Variants in LAMA2 observed in about 807,000 individuals in gnomAD.
LAMA2 encodes laminin subunit alpha-2.
LAMA2 carries 269 observed loss-of-function variants against 364.8 expected under a neutral mutation model. That is an observed-to-expected ratio of 0.74 (90% CI 0.67 to 0.82). LAMA2 has a LOEUF of 0.82. Ranked by LOEUF, LAMA2 falls within the 40% of genes least tolerant of loss-of-function variation. The probability of loss-of-function intolerance (pLI) is 0.00; values close to 1 mark genes in which losing one functional copy is unlikely to be tolerated. For missense variants in LAMA2, 3,807 were observed against 3,873.2 expected (o/e 0.98, Z 0.45); for synonymous variants, 1,379 against 1,370.6 (o/e 1.01, Z -0.14).
chr6:129,396,989 C>CAAAAAAAAAAAAAAA (rs60077388), intron 37 of LAMA2, among the ~76,000 whole-genome samples: 1 of 125,966 alleles, frequency 7.9e-6, no homozygotes. Context: ...GACAGTGTCT[C>CAAAAAAAAAAAAAAA]AAAAAAAAAA....
chr6:129,260,274 A>G (rs554496456), intron 14 of LAMA2, among the ~76,000 whole-genome samples: 18 of 152,314 alleles, frequency 1.2e-4, no homozygotes, highest in Admixed American at 7.9e-4. Flanking sequence ...AATTGTTTCC[A>G]TCTTTTATTT....
At chr6:129,394,470 A>G (rs1164951853) in intron 37 of LAMA2, among the ~76,000 whole-genome samples, 2 of 152,318 alleles carry the variant, frequency 1.3e-5, no homozygotes, top group Admixed American at 6.5e-5. Context: ...TCTGGGACTT[A>G]GCCTTGTCAT....
Position 129,143,883 on chromosome 6 carries a change from A to T in LAMA2, c.640-18A>T. On this transcript the variant is annotated intron_variant, in intron 4 of 64. Coordinates refer to ENST00000421865, the MANE Select transcript of LAMA2 (RefSeq NM_000426.4). ...TTTTGGAAAACATAATTGTTAAATT[A>T]TTTTTCATATTGTGTAGATTCACAT... The T allele has an allele frequency of 6.5e-7, 1 of 1,544,348 alleles. No homozygotes were observed. The highest frequency in any genetic ancestry group is 8.9e-7 in the Non-Finnish European group (1 of 1,121,136).
In LAMA2 at chr6:129,366,278, G is replaced by A; in HGVS notation, c.4777G>A (p.Val1593Ile). ...LGDLARLEQMVMSINLTGPLP... is the reference protein window; with the variant it reads ...LGDLARLEQMIMSINLTGPLP... ...TGACTTGGCTCGCCTGGAGCAGATG[G>A]TCATGAGCATCAACCTCACTGGTCC... is the stretch of plus-strand genomic sequence containing the variant. The change falls in exon 33 of 65, where the codon GTC (valine) becomes ATC (isoleucine). Residue 1593 changes from valine (V) to isoleucine (I), a missense_variant. Physicochemically the swap from Val to Ile is conservative, Grantham distance 29. Transcript: ENST00000421865. 1 of 1,613,894 alleles carries A rather than the reference G, an allele frequency of 6.2e-7. No homozygotes were observed. Among genetic ancestry groups the A allele is most frequent in the Admixed American group, 1.7e-5 (1 of 59,992 alleles).
chr6:129,238,978 T>G (rs550848218), intron 12 of LAMA2, among the ~76,000 whole-genome samples: 15 of 152,312 alleles, frequency 9.8e-5, no homozygotes, highest in African/African-American at 3.4e-4. Flanking sequence ...CAGATCATAC[T>G]GATTTGTTGC....
At chr6:129,433,961 A>G (rs192868612) in intron 41 of LAMA2, among the ~76,000 whole-genome samples, 7 of 152,274 alleles carry the variant, frequency 4.6e-5, no homozygotes, top group African/African-American at 1.7e-4. Flanking sequence ...TTTATTTGCC[A>G]TATGTAAAAA....
chr6:128,924,223 CAT>C (rs937776515), intron 1 of LAMA2, among the ~76,000 whole-genome samples: 8 of 152,200 alleles, frequency 5.3e-5, no homozygotes, highest in Middle Eastern at 3.4e-3. Flanking sequence ...CACACACACA[CAT>C]ATGTATTTAT....
intron 37 of LAMA2, among the ~76,000 whole-genome samples, chr6:129,400,309 A>G (rs938407189): frequency 2.0e-5 from 3 of 152,208 alleles, no homozygotes. Flanking sequence ...CAGGGGACAC[A>G]GACATTCAGG....
At chr6:129,365,065 C>G (rs577475028) in intron 32 of LAMA2, among the ~76,000 whole-genome samples, 1 of 152,310 alleles carries the variant, frequency 6.6e-6, no homozygotes, top group South Asian at 2.1e-4. Context: ...GGCCCCATAT[C>G]CAGTATTGGG....
intron 12 of LAMA2, among the ~76,000 whole-genome samples, chr6:129,202,187 C>CAAAAAAAAA (rs776190977): frequency 5.6e-4 from 35 of 62,130 alleles, no homozygotes; most frequent in African/African-American, 1.3e-3. Context: ...GAGTCTGTCT[C>CAAAAAAAAA]AAAAAAAAAA....
At chr6:129,226,730 G>A (rs1784313223) in intron 12 of LAMA2, among the ~76,000 whole-genome samples, 1 of 152,040 alleles carries the variant, frequency 6.6e-6, no homozygotes, top group African/African-American at 2.4e-5. Flanking sequence ...TCCCTTTGAG[G>A]GTAACCCGAC....
At chr6:128,994,511 C>G (rs1449876215) in intron 1 of LAMA2, among the ~76,000 whole-genome samples, 1 of 152,148 alleles carries the variant, frequency 6.6e-6, no homozygotes, top group African/African-American at 2.4e-5. Context: ...GTATTATCCT[C>G]ATTAGATTGA....
At chr6:129,258,823 GA>G (rs1402777895) in intron 14 of LAMA2, among the ~76,000 whole-genome samples, 9 of 152,000 alleles carry the variant, frequency 5.9e-5, no homozygotes, top group South Asian at 4.2e-4. Flanking sequence ...AGTGAGGGGG[GA>G]AAAAAGCATT....
chr6:129,453,445 C>T (rs1449979728), intron 46 of LAMA2, among the ~76,000 whole-genome samples: 2 of 151,300 alleles, frequency 1.3e-5, no homozygotes, highest in African/African-American at 2.5e-5. Flanking sequence ...ATTTTATTTA[C>T]TTCTTATTTA....
intron 10 of LAMA2, among the ~76,000 whole-genome samples, chr6:129,180,510 A>ATC (rs1780867123): frequency 6.6e-6 from 1 of 152,162 alleles, no homozygotes; most frequent in South Asian, 2.1e-4. Context: ...GTGTGAAGAC[A>ATC]TTTTTAAAAA....
chr6:129,435,830 C>G (rs1781805362), intron 41 of LAMA2, among the ~76,000 whole-genome samples: 1 of 152,150 alleles, frequency 6.6e-6, no homozygotes, highest in Admixed American at 6.6e-5. Context: ...TCCACCTTTC[C>G]CTTTGCTATT....
chr6:129,393,037 GGT>G lies in LAMA2; in HGVS notation c.5235-7_5235-6del. ...CATTGTCTATTATTGGGCTGGGGGT[GGT>G]TACAGAGCTGCAGAAGCCCTTCTGA... On this transcript the variant is annotated splice_region_variant and splice_polypyrimidine_tract_variant and intron_variant, in intron 36 of 64. Coordinates refer to ENST00000421865, the MANE Select transcript of LAMA2 (RefSeq NM_000426.4). The G allele has an allele frequency of 6.2e-7, 1 of 1,611,168 alleles. No homozygotes were observed. Among genetic ancestry groups the G allele is most frequent in the South Asian group, 1.1e-5 (1 of 91,010 alleles).
At chr6:129,113,816 C>T (rs1776304611) in intron 4 of LAMA2, among the ~76,000 whole-genome samples, 1 of 151,894 alleles carries the variant, frequency 6.6e-6, no homozygotes, top group African/African-American at 2.4e-5. Context: ...TTGAGGCACC[C>T]TAGAGAGGGG....
intron 14 of LAMA2, among the ~76,000 whole-genome samples, chr6:129,255,604 G>A (rs563063751): frequency 6.6e-6 from 1 of 152,082 alleles, no homozygotes; most frequent in African/African-American, 2.4e-5. Flanking sequence ...TATAACTCAT[G>A]AGTATTGCTT....
Sources: gnomAD v4.1 joint callset for allele counts (sites outside exome capture counted in the v4.1 genomes callset) on GRCh38, gnomAD v4.1.1 for gene constraint, MANE v1.5 for transcripts, NCBI Gene and HGNC (gene_info 2026-07-23, HGNC 2026-07-21) for gene names.